VIPR1: variants seen among roughly 807,000 people sequenced by gnomAD.
VIPR1 encodes the protein vasoactive intestinal polypeptide receptor 1.
VIPR1 carries 59 observed loss-of-function variants against 58.8 expected under a neutral mutation model. That is an observed-to-expected ratio of 1.00 (90% confidence interval 0.81 to 1.25). The LOEUF is 1.25. VIPR1 is among the 50% of genes most tolerant of loss of function. The probability of loss-of-function intolerance (pLI) is 0.00; values close to 1 mark genes in which losing one functional copy is unlikely to be tolerated. For synonymous variants in VIPR1, 251 were observed against 242.1 expected (o/e 1.04, Z -0.34); for missense variants, 626 against 602.7 (o/e 1.04, Z -0.40).
chr3:42,535,714 G>T (rs960640807), intron 12 of VIPR1, among the ~76,000 whole-genome samples: 4 of 152,140 alleles, frequency 2.6e-5, no homozygotes, highest in Admixed American at 1.3e-4. Flanking sequence ...AGTGGGGAGG[G>T]ATGAGGGCTT....
upstream of VIPR1, among the ~76,000 whole-genome samples, chr3:42,498,667 C>T (rs149369640): frequency 2.4e-4 from 37 of 152,270 alleles, no homozygotes; most frequent in African/African-American, 8.2e-4. Flanking sequence ...CCTGCTCTCC[C>T]GTGAACTTGG....
At chr3:42,532,010 C>A in intron 9 of VIPR1, 141 bp downstream of exon 9, 1 of 999,018 alleles carries the variant, frequency 1.0e-6, no homozygotes, top group Non-Finnish European at 1.5e-6. Flanking sequence ...TCATCCCCAC[C>A]CCTGTCCTAC....
intron 6 of VIPR1, chr3:42,530,573 T>C: frequency 1.8e-6 from 1 of 562,668 alleles, no homozygotes. Flanking sequence ...ATAATTAAAA[T>C]CACCAGTTTA....
chr3:42,532,545 T>G, intron 10 of VIPR1: 3 of 607,246 alleles, frequency 4.9e-6, no homozygotes, highest in Admixed American at 2.7e-5. Flanking sequence ...CCCTGCATGC[T>G]TCTCCTGCCC....
At chr3:42,492,119 A>C (rs1577187635) in intron 1 of VIPR1, among the ~76,000 whole-genome samples, 2 of 147,290 alleles carry the variant, frequency 1.4e-5, no homozygotes, top group East Asian at 2.0e-4. Flanking sequence ...TTCCCTCCCA[A>C]CTCCCTCCTC....
Position 42,518,306 on chromosome 3 carries a change from C to T in VIPR1, c.185-917C>T, listed in dbSNP as rs143627375. 8.5e-5 allele frequency among the ~76,000 whole-genome samples: 13 copies of T among 152,200 alleles called. No individual in the cohort carries two copies. The East Asian group carries it at 2.3e-3, about 27-fold the overall frequency. ...GGTGACTCAAGTATCACAGGCAGCA[C>T]TGCTATGGGTATCATGATTTTCCAA... On this transcript the variant is annotated intron_variant, in intron 2 of 12. Coordinates refer to ENST00000325123, the MANE Select transcript of VIPR1 (RefSeq NM_004624.4).
intron 1 of VIPR1, chr3:42,507,353 A>C (rs1700163299): frequency 6.6e-6 from 1 of 152,240 alleles, no homozygotes; most frequent in Admixed American, 6.5e-5. Context: ...CTCCACTGGG[A>C]GGACCCAGTC....
intron 1 of VIPR1, among the ~76,000 whole-genome samples, chr3:42,490,480 T>C (rs1699646565): frequency 6.6e-6 from 1 of 152,242 alleles, no homozygotes; most frequent in African/African-American, 2.4e-5. Flanking sequence ...AGGCTATTTT[T>C]ACCCAGACCT....
rs1375785287 is a variant in VIPR1, at chr3:42,536,356, G to T, written c.*75G>T. The stretch of plus-strand genomic sequence containing the variant: ...CACCCCGGCAGACGCCGGGGACAGA[G>T]GCCTGCCCGGGCGCGGCCAGCCCCG... On this transcript the variant is annotated 3_prime_UTR_variant, in exon 13 of 13. Transcript: ENST00000325123. 2.8e-6 allele frequency: 4 copies of T among 1,418,888 alleles called. No homozygotes were observed. Among genetic ancestry groups the T allele is most frequent in the Non-Finnish European group, 3.7e-6 (4 of 1,088,976 alleles). 87.9% of individuals were successfully genotyped at this position (1,418,888 alleles called of 1,614,324 possible). A position where few individuals can be genotyped will look rare whatever the true frequency, so the allele number is the denominator to read the frequency against.
chr3:42,505,601 G>A (rs1700084711), intron 1 of VIPR1, among the ~76,000 whole-genome samples: 1 of 152,222 alleles, frequency 6.6e-6, no homozygotes, highest in African/African-American at 2.4e-5. Context: ...GCCTGGCCAG[G>A]GCTCCCAGGG....
At position 42,530,714 on chromosome 3, in the gene VIPR1, G is replaced by A. The variant is rs752437530; in HGVS notation, c.637-65G>A. ...CAACTGTGTTTGTCCCCCCAGACACGAGTGTGGGCAGTCAAGGACCCTTGA... is the reference window on the plus strand; with the variant it reads ...CAACTGTGTTTGTCCCCCCAGACACAAGTGTGGGCAGTCAAGGACCCTTGA... On this transcript the variant is annotated intron_variant, in intron 6 of 12. Transcript: ENST00000325123. The A allele has an allele frequency of 9.0e-6, 14 of 1,562,902 alleles. No homozygotes were observed. The Middle Eastern group carries it at 5.1e-4, about 57-fold the overall frequency.
chr3:42,513,257 C>G (rs1303481587), intron 1 of VIPR1: 1 of 152,902 alleles, frequency 6.5e-6, no homozygotes, highest in African/African-American at 2.4e-5. Flanking sequence ...ATGACAGAAG[C>G]TGGAAAATAC....
intron 9 of VIPR1, 153 bp from the exon 10 acceptor site, chr3:42,532,088 CG>C (rs1048802512): frequency 8.7e-6 from 8 of 924,356 alleles, no homozygotes; most frequent in Non-Finnish European, 1.2e-5. Flanking sequence ...GTAGAGTTCC[CG>C]GATGACCTGC....
chr3:42,518,692 A>G (rs1700754840), intron 2 of VIPR1, among the ~76,000 whole-genome samples: 1 of 152,230 alleles, frequency 6.6e-6, no homozygotes, highest in Non-Finnish European at 1.5e-5. Flanking sequence ...AGGTTGCACC[A>G]CTGCACTCTA....
At chr3:42,502,500 T>TC (rs556062853), upstream of VIPR1, 688 of 353,022 alleles carry the variant, frequency 1.9e-3, 2 homozygotes, top group Non-Finnish European at 2.3e-3. Flanking sequence ...TGGCAGGGGC[T>TC]CCCCAGCCCC....
At chr3:42,515,676 C>T (rs1700588322) in intron 2 of VIPR1, among the ~76,000 whole-genome samples, 1 of 152,248 alleles carries the variant, frequency 6.6e-6, no homozygotes. Flanking sequence ...TTCTGTAGGG[C>T]TCTGTGCGTG....
intron 1 of VIPR1, chr3:42,512,830 A>C (rs1700423279): frequency 1.0e-6 from 1 of 985,404 alleles, no homozygotes; most frequent in African/African-American, 1.7e-5. Context: ...AGGTGCTGCC[A>C]GTCCAACGCT....
At chr3:42,510,252 T>G (rs548415285) in intron 1 of VIPR1, among the ~76,000 whole-genome samples, 34 of 152,166 alleles carry the variant, frequency 2.2e-4, no homozygotes, top group Non-Finnish European at 4.9e-4. Context: ...ATTGTCTAAC[T>G]TGCACATCCT....
intron 1 of VIPR1, chr3:42,492,276 C>T (rs1004366432): frequency 6.6e-6 from 1 of 152,450 alleles, no homozygotes; most frequent in African/African-American, 2.4e-5. Context: ...TCTTCCTGGC[C>T]TCCTTCCCAG....
Sources: gnomAD v4.1 joint callset for allele counts (sites outside exome capture counted in the v4.1 genomes callset) on GRCh38, gnomAD v4.1.1 for gene constraint, MANE v1.5 for transcripts, NCBI Gene and HGNC (gene_info 2026-07-23, HGNC 2026-07-21) for gene names.